GNB1: variants seen among roughly 807,000 people sequenced by gnomAD.
GNB1 encodes guanine nucleotide-binding protein G(I)/G(S)/G(T) subunit beta-1.
In GNB1, 2 loss-of-function variants were observed where a neutral mutation model predicts 42.9. The ratio of observed to expected loss-of-function variants is 0.05; its 90% CI spans 0.02 to 0.15. GNB1 has a LOEUF of 0.15. Ranked by LOEUF, GNB1 falls within the 10% of genes least tolerant of loss-of-function variation. The probability of loss-of-function intolerance (pLI) is 1.00; values close to 1 mark genes in which losing one functional copy is unlikely to be tolerated. For synonymous variants in GNB1, 183 were observed against 174.7 expected (o/e 1.05, Z -0.38); for missense variants, 193 against 462.2 (o/e 0.42, Z 5.34).
chr1:1,864,624 A>G (rs950441190), intron 1 of GNB1, among the ~76,000 whole-genome samples: 3 of 152,144 alleles, frequency 2.0e-5, no homozygotes, highest in Admixed American at 2.0e-4. Flanking sequence ...CAGGAAGTAC[A>G]TTTTTGGGTC....
At chr1:1,881,957 C>G (rs988117784) in intron 1 of GNB1, among the ~76,000 whole-genome samples, 2 of 152,168 alleles carry the variant, frequency 1.3e-5, no homozygotes, top group Admixed American at 6.6e-5. Flanking sequence ...GCCTGCCAGA[C>G]AGACTCCAAT....
intron 1 of GNB1, among the ~76,000 whole-genome samples, chr1:1,851,801 T>C (rs570848223): frequency 3.9e-5 from 6 of 152,160 alleles, no homozygotes; most frequent in Non-Finnish European, 5.9e-5. Context: ...CCCAGCACTT[T>C]GGGAGGCTGA....
At chr1:1,816,470 A>G (rs930744077) in intron 4 of GNB1, among the ~76,000 whole-genome samples, 5 of 152,178 alleles carry the variant, frequency 3.3e-5, no homozygotes, top group Admixed American at 6.5e-5. Context: ...ATTGAAATTC[A>G]GGTAATTCTA....
intron 4 of GNB1, chr1:1,817,578 A>T (rs1646874345): frequency 3.2e-6 from 1 of 316,778 alleles, no homozygotes. Flanking sequence ...ATATCTTAAG[A>T]CAATAACAAT....
At chr1:1,845,521 C>T (rs988754738) in intron 1 of GNB1, among the ~76,000 whole-genome samples, 5 of 151,700 alleles carry the variant, frequency 3.3e-5, no homozygotes, top group Non-Finnish European at 7.4e-5. Flanking sequence ...TGCAGTGAGC[C>T]GAGATCGTGC....
At chr1:1,856,798 G>A (rs1253644737) in intron 1 of GNB1, among the ~76,000 whole-genome samples, 2 of 152,204 alleles carry the variant, frequency 1.3e-5, no homozygotes, top group Non-Finnish European at 2.9e-5. Context: ...TTGGTGATAT[G>A]TTGGGACAAC....
At chr1:1,836,856 C>CTT (rs35131919) in intron 2 of GNB1, among the ~76,000 whole-genome samples, 7 of 120,166 alleles carry the variant, frequency 5.8e-5, no homozygotes, top group African/African-American at 9.5e-5. Context: ...CGACTGCTAA[C>CTT]TTTTTTTTTT....
chr1:1,791,923 C>T (rs920365971), intron 8 of GNB1, among the ~76,000 whole-genome samples: 2 of 152,028 alleles, frequency 1.3e-5, no homozygotes, highest in African/African-American at 2.4e-5. Context: ...ACAACGAGGA[C>T]ACCTTATAAT....
chr1:1,835,928 A>AAG (rs1647142197), intron 2 of GNB1, among the ~76,000 whole-genome samples: 1 of 148,414 alleles, frequency 6.7e-6, no homozygotes, highest in Non-Finnish European at 1.5e-5. Context: ...AAAAGAAAAA[A>AAG]AAAAAAAAAA....
intron 3 of GNB1, among the ~76,000 whole-genome samples, chr1:1,824,094 T>C (rs564234419): frequency 2.8e-4 from 43 of 152,242 alleles, no homozygotes; most frequent in African/African-American, 9.4e-4. Context: ...CAGCTAAAGC[T>C]TGACAGAGCA....
At chr1:1,875,197 T>G (rs749701593) in intron 1 of GNB1, among the ~76,000 whole-genome samples, 1 of 145,034 alleles carries the variant, frequency 6.9e-6, no homozygotes, top group Non-Finnish European at 1.5e-5. Context: ...CTTTTTCTGG[T>G]TTTTTTTTTT....
intron 1 of GNB1, among the ~76,000 whole-genome samples, chr1:1,869,983 C>T (rs1649161183): frequency 6.6e-6 from 1 of 152,120 alleles, no homozygotes; most frequent in East Asian, 1.9e-4. Context: ...CTGCCTTAGC[C>T]TCCTGAGTAG....
intron 2 of GNB1, among the ~76,000 whole-genome samples, chr1:1,838,336 C>T (rs1647178760): frequency 1.3e-5 from 2 of 152,160 alleles, no homozygotes; most frequent in South Asian, 4.1e-4. Flanking sequence ...ACCCTCCTCA[C>T]CCAGACTCAC....
chr1:1,884,028 C>T (rs1650007907), intron 1 of GNB1, among the ~76,000 whole-genome samples: 1 of 150,588 alleles, frequency 6.6e-6, no homozygotes, highest in African/African-American at 2.4e-5. Context: ...TACAATGGCA[C>T]AATCTCGGCT....
At chr1:1,842,225 T>C (rs1292578100) in intron 1 of GNB1, among the ~76,000 whole-genome samples, 1 of 152,142 alleles carries the variant, frequency 6.6e-6, no homozygotes, top group African/African-American at 2.4e-5. Flanking sequence ...GGTCAGCAGA[T>C]TGAGACCATC....
rs1467876011 is a variant in GNB1 at position 1,890,904 on chromosome 1, G to A, written c.-180C>T. Reference sequence around the variant, plus strand: ...GGTCGTCGCGCTCGGGCCGCGCTGCGCGCTCCGCGGGCGCTGCGGGCAGGT... The same window carrying A: ...GGTCGTCGCGCTCGGGCCGCGCTGCACGCTCCGCGGGCGCTGCGGGCAGGT... On this transcript the variant is annotated 5_prime_UTR_variant, in exon 1 of 12. Transcript: ENST00000378609. 3 of 147,190 alleles carry A rather than the reference G, an allele frequency of 2.0e-5. No individual in the cohort carries two copies. The highest frequency in any genetic ancestry group is 7.3e-5 in the African/African-American group (3 of 40,838). The allele number at this position is 147,190 out of a possible 1,614,324, so 9.1% of individuals were successfully genotyped here.
chr1:1,825,998 G>A (rs1178989293), intron 2 of GNB1, among the ~76,000 whole-genome samples: 1 of 152,098 alleles, frequency 6.6e-6, no homozygotes, highest in East Asian at 1.9e-4. Context: ...ATTATTTATT[G>A]GCTTTGCATA....
At chr1:1,828,224 G>A (rs1406371773) in intron 2 of GNB1, among the ~76,000 whole-genome samples, 4 of 152,166 alleles carry the variant, frequency 2.6e-5, no homozygotes, top group African/African-American at 9.7e-5. Context: ...GGGAGGCTGA[G>A]GCAGGAGAAT....
intron 1 of GNB1, among the ~76,000 whole-genome samples, chr1:1,861,605 T>A (rs1413300569): frequency 7.1e-6 from 1 of 140,618 alleles, no homozygotes; most frequent in Non-Finnish European, 1.5e-5. Context: ...TGGGGGTTGG[T>A]GGTGGGGGAG....
Sources: allele counts gnomAD v4.1 joint callset (sites outside exome capture counted in the v4.1 genomes callset), GRCh38; gene constraint gnomAD v4.1.1; transcripts MANE v1.5; gene names NCBI Gene and HGNC (gene_info 2026-07-23, HGNC 2026-07-21).